Variants in TRAPPC9 observed in about 807,000 individuals in gnomAD.
The protein encoded by TRAPPC9 is IKK2 binding protein.
A neutral mutation model predicts 124.0 loss-of-function variants in TRAPPC9; 83 were observed. That is an observed-to-expected ratio of 0.67 (90% CI 0.56 to 0.80). The LOEUF (loss-of-function observed/expected upper bound fraction) is 0.80. TRAPPC9 is among the 30% of genes least tolerant of loss of function. TRAPPC9 has a pLI of 0.00. For missense variants in TRAPPC9, 1,302 were observed against 1,508.3 expected (o/e 0.86, Z 2.27); for synonymous variants, 638 against 617.5 (o/e 1.03, Z -0.49).
intron 19 of TRAPPC9, among the ~76,000 whole-genome samples, chr8:139,979,835 G>C (rs572088926): frequency 6.6e-6 from 1 of 152,248 alleles, no homozygotes; most frequent in Admixed American, 6.5e-5. Context: ...CTAAAGCGGG[G>C]CTTGAGGGAA....
chr8:140,407,200 C>A (rs946244028), intron 5 of TRAPPC9, among the ~76,000 whole-genome samples: 5 of 152,194 alleles, frequency 3.3e-5, no homozygotes, highest in Admixed American at 1.3e-4. Context: ...CTAGTTCTCA[C>A]AATTACAGAG....
At chr8:140,166,999 G>A (rs575200375) in intron 17 of TRAPPC9, among the ~76,000 whole-genome samples, 2 of 152,170 alleles carry the variant, frequency 1.3e-5, no homozygotes, top group Non-Finnish European at 1.5e-5. Context: ...AATGCAAAAC[G>A]CATGATCTCG....
At chr8:140,272,130 C>CGATGATGATGGTGATAGTGGT (rs2064930084) in intron 15 of TRAPPC9, among the ~76,000 whole-genome samples, 1 of 100,382 alleles carries the variant, frequency 1.0e-5, no homozygotes, top group African/African-American at 3.4e-5. Context: ...GTGATGGTGG[C>CGATGATGATGGTGATAGTGGT]GATGGTGATG....
At position 139,856,036 on chromosome 8, in the gene TRAPPC9, T is replaced by C. The variant is rs529905791; in HGVS notation, c.3055+29843A>G. Among the ~76,000 whole-genome samples, 4 of 152,292 alleles carry C rather than the reference T, an allele frequency of 2.6e-5. No homozygotes were observed. The South Asian group carries it at 8.3e-4, about 32-fold the overall frequency. Reference sequence around the variant, plus strand: ...CCAACTCCGAGTCCCAGGGCCTTCATCATTAAAATAAAAATGATGCTCTCC... The same window carrying C: ...CCAACTCCGAGTCCCAGGGCCTTCACCATTAAAATAAAAATGATGCTCTCC... On this transcript the variant is annotated intron_variant, in intron 21 of 22. Coordinates refer to ENST00000438773, the MANE Select transcript of TRAPPC9 (RefSeq NM_001160372.4).
intron 17 of TRAPPC9, among the ~76,000 whole-genome samples, chr8:140,109,725 G>A (rs951208782): frequency 6.6e-6 from 1 of 152,142 alleles, no homozygotes; most frequent in South Asian, 2.1e-4. Flanking sequence ...GCAAGTTATT[G>A]AACCTCTCAA....
chr8:140,210,482 G>A (rs879287492), intron 17 of TRAPPC9, among the ~76,000 whole-genome samples: 51 of 152,114 alleles, frequency 3.4e-4, no homozygotes, highest in Admixed American at 1.2e-3. Context: ...CCATCCCCCC[G>A]TCTGCCTGAA....
At chr8:139,865,246 G>A (rs1303530954) in intron 21 of TRAPPC9, among the ~76,000 whole-genome samples, 1 of 152,208 alleles carries the variant, frequency 6.6e-6, no homozygotes, top group Non-Finnish European at 1.5e-5. Context: ...ACAGCAGAAG[G>A]AATCAGGTCC....
intron 17 of TRAPPC9, among the ~76,000 whole-genome samples, chr8:140,132,358 C>T (rs771760398): frequency 3.3e-5 from 5 of 152,214 alleles, no homozygotes; most frequent in African/African-American, 1.2e-4. Context: ...TCTTGACACC[C>T]ACGGGTCTTT....
chr8:139,932,713 G>A (rs1044500533), intron 19 of TRAPPC9: 19 of 367,600 alleles, frequency 5.2e-5, no homozygotes, highest in East Asian at 2.9e-4. Flanking sequence ...GCAGTGAGCC[G>A]AGATGGTACC....
At chr8:139,751,899 AATCCACCATCC>A (rs796230726) in intron 21 of TRAPPC9, among the ~76,000 whole-genome samples, 25 of 147,710 alleles carry the variant, frequency 1.7e-4, no homozygotes, top group African/African-American at 6.0e-4. Context: ...TCCATCCATC[AATCCACCATCC>A]ATCCACCATC....
intron 18 of TRAPPC9, chr8:140,008,581 A>T (rs537009159): frequency 1.3e-5 from 2 of 152,438 alleles, no homozygotes; most frequent in East Asian, 3.9e-4. Context: ...CTTGCTTGGC[A>T]GACCCAGCCT....
chr8:140,423,665 T>C (rs1292932865), intron 5 of TRAPPC9, among the ~76,000 whole-genome samples: 1 of 150,542 alleles, frequency 6.6e-6, no homozygotes, highest in Non-Finnish European at 1.5e-5. Context: ...TACACACATA[T>C]ATACACATAT....
intron 17 of TRAPPC9, among the ~76,000 whole-genome samples, chr8:140,219,720 C>G (rs1292224907): frequency 6.6e-6 from 1 of 152,182 alleles, no homozygotes; most frequent in Non-Finnish European, 1.5e-5. Context: ...CATGGGTCTG[C>G]TACTATACAC....
intron 21 of TRAPPC9, among the ~76,000 whole-genome samples, chr8:139,799,760 C>T (rs1823346366): frequency 6.6e-6 from 1 of 152,186 alleles, no homozygotes; most frequent in Non-Finnish European, 1.5e-5. Context: ...GGGGAAGGAG[C>T]GGGGCTGGGC....
At chr8:140,380,574 G>C (rs1168744907) in intron 7 of TRAPPC9, among the ~76,000 whole-genome samples, 3 of 145,014 alleles carry the variant, frequency 2.1e-5, no homozygotes, top group Non-Finnish European at 4.5e-5. Flanking sequence ...AGAATCACTT[G>C]AACCCGGGAG....
rs939133555 is a variant in TRAPPC9, at chr8:139,907,540, G to A, written c.2964+2607C>T. 6.8e-6 allele frequency among the ~76,000 whole-genome samples: 1 copy of A among 146,640 alleles called. No individual in the cohort carries two copies. Among genetic ancestry groups the A allele is most frequent in the Non-Finnish European group, 1.5e-5 (1 of 66,710 alleles). ...GGAGAGGAGAGGGAGAAAGAGAAAG[G>A]GGGGGAGGAAGGGATGGAGGCAGAG... On this transcript the variant is annotated intron_variant, in intron 20 of 22. Coordinates refer to ENST00000438773, the MANE Select transcript of TRAPPC9 (RefSeq NM_001160372.4). This position sits in a 1 kb window ranked among gnomAD's most constrained non-coding sequence, Gnocchi z 4.7.
At chr8:140,069,813 G>A (rs1843057638) in intron 17 of TRAPPC9, among the ~76,000 whole-genome samples, 1 of 152,200 alleles carries the variant, frequency 6.6e-6, no homozygotes, top group Non-Finnish European at 1.5e-5. Flanking sequence ...CTCAAAGCCA[G>A]TGAGGCCAGT....
At chr8:140,008,152 T>C (rs558572949) in intron 18 of TRAPPC9, among the ~76,000 whole-genome samples, 2 of 152,196 alleles carry the variant, frequency 1.3e-5, no homozygotes, top group South Asian at 2.1e-4. Context: ...CACAAGACAA[T>C]AGGTAAGGGA....
chr8:140,046,974 T>C (rs1157741110), intron 17 of TRAPPC9, among the ~76,000 whole-genome samples: 1 of 152,218 alleles, frequency 6.6e-6, no homozygotes, highest in Admixed American at 6.5e-5. Context: ...AGAAAAAGCC[T>C]AGAAAGGTTC....
Sources: allele counts gnomAD v4.1 joint callset (sites outside exome capture counted in the v4.1 genomes callset), GRCh38; gene constraint gnomAD v4.1.1; non-coding constraint Gnocchi (gnomAD v3.1); transcripts MANE v1.5; gene names NCBI Gene and HGNC (gene_info 2026-07-23, HGNC 2026-07-21).